SYNE1: variants seen among roughly 807,000 people sequenced by gnomAD.
The protein encoded by SYNE1 is nesprin-1.
SYNE1 carries 616 observed loss-of-function variants against 1,111.0 expected under a neutral mutation model. The observed-to-expected ratio is 0.55, with a 90% CI of 0.52 to 0.59. SYNE1 has a LOEUF of 0.59. Ranked by LOEUF, SYNE1 falls within the 20% of genes least tolerant of loss-of-function variation. SYNE1 has a pLI of 0.00. For synonymous variants in SYNE1, 3,855 were observed against 3,825.8 expected (o/e 1.01, Z -0.28); for missense variants, 10,006 against 10,417.0 (o/e 0.96, Z 1.72).
rs533228350 is a variant in SYNE1, at chr6:152,584,394, C to T, written c.67+43871G>A. Among the ~76,000 whole-genome samples the T allele has an allele frequency of 3.3e-5, 5 of 152,086 alleles. No individual in the cohort carries two copies. The East Asian group carries it at 7.7e-4, about 23-fold the overall frequency. Reference sequence around the variant, plus strand: ...ACCCAAAATACATATTTAATGTATTCCCCTTGGTGCAAAATAACATCTGCT... The same window carrying T: ...ACCCAAAATACATATTTAATGTATTTCCCTTGGTGCAAAATAACATCTGCT... On this transcript the variant is annotated intron_variant, in intron 3 of 145. Coordinates refer to ENST00000367255, the MANE Select transcript of SYNE1 (RefSeq NM_182961.4).
chr6:152,424,150 A>G (rs1563916787), intron 39 of SYNE1, among the ~76,000 whole-genome samples: 2 of 152,346 alleles, frequency 1.3e-5, no homozygotes, highest in East Asian at 3.9e-4. Context: ...TCAGGGACCA[A>G]TCAATGAATT....
intron 27 of SYNE1, among the ~76,000 whole-genome samples, chr6:152,449,867 TA>T (rs1417247802): frequency 6.6e-6 from 1 of 152,094 alleles, no homozygotes; most frequent in African/African-American, 2.4e-5. Flanking sequence ...GGAGCTCAGC[TA>T]AGGAAAAAGA....
chr6:152,385,739 G>A lies in SYNE1; in HGVS notation c.8587C>T (p.Leu2863Phe). The A allele has an allele frequency of 2.5e-6, 4 of 1,614,092 alleles. No homozygotes were observed. Among genetic ancestry groups the A allele is most frequent in the Middle Eastern group, 1.6e-4 (1 of 6,062 alleles). Residue 2863 changes from leucine (L) to phenylalanine (F), a missense_variant, in exon 55 of 146, where the codon CTT becomes TTT. By Grantham distance (22) the Leu-to-Phe change is conservative. Around this residue, in one of 7 missense-constraint regions of SYNE1, gnomAD observed 4,955 missense variants for 5,017.2 expected, o/e 0.99. Coordinates refer to ENST00000367255, the MANE Select transcript of SYNE1 (RefSeq NM_182961.4). The part of the protein sequence containing the change: ...TDWLHSAKEE[L>F]HRWSDMSGDS... ...CCAGACATATCTGACCACCGGTGAA[G>A]TTCTTCCTTTGCTGAATGGAGCCAA...
chr6:152,551,799 C>A (rs982840486), intron 3 of SYNE1, among the ~76,000 whole-genome samples: 1 of 152,128 alleles, frequency 6.6e-6, no homozygotes, highest in Non-Finnish European at 1.5e-5. Context: ...AACATGAAGA[C>A]AACTGATCTC....
At chr6:152,392,570 T>C (rs1244872275) in intron 51 of SYNE1, among the ~76,000 whole-genome samples, 3 of 152,210 alleles carry the variant, frequency 2.0e-5, no homozygotes, top group Non-Finnish European at 2.9e-5. Flanking sequence ...TCAAATTTTT[T>C]TGGAGTGGCT....
chr6:152,490,650 T>G (rs1056862812), intron 11 of SYNE1, among the ~76,000 whole-genome samples: 1 of 152,192 alleles, frequency 6.6e-6, no homozygotes, highest in Non-Finnish European at 1.5e-5. Context: ...TATCTACCTT[T>G]TTCGGACTCA....
At chr6:152,429,086 G>GTAATAATAA (rs3046242) in intron 36 of SYNE1, among the ~76,000 whole-genome samples, 7,543 of 144,600 alleles carry the variant, frequency 0.052, 389 homozygotes, top group African/African-American at 0.13. Context: ...TATCTCAATA[G>GTAATAATAA]TAATAATAAT....
rs373438870 is a variant in SYNE1 at position 152,331,887 on chromosome 6, A to T, written c.12798T>A (p.Ser4266=). The T allele has an allele frequency of 5.5e-5, 89 of 1,611,268 alleles. No homozygotes were observed. The highest frequency in any genetic ancestry group is 7.2e-5 in the Non-Finnish European group (85 of 1,180,002). The change falls in exon 78 of 146, where the codon TCT becomes TCA. Residue 4266 remains serine (S), a synonymous_variant. Transcript: ENST00000367255. ...FTTEWDNLAR[S]DAESTAVHLE... ...GGTGGACAGCTGTACTCTCTGCATC[A>T]GATCTGAAAATACATGGAAAGGTAT...
At chr6:152,144,545 G>A (rs1282275270) in intron 137 of SYNE1, 1 of 152,548 alleles carries the variant, frequency 6.6e-6, no homozygotes, top group Non-Finnish European at 1.5e-5. Context: ...TTGATCATCA[G>A]TGAAGCTAGC....
Position 152,213,620 on chromosome 6 carries a change from C to G in SYNE1, c.22486G>C (p.Ala7496Pro). Reference sequence around the variant, plus strand: ...CTACTGATACAACTTACCTCGTGTGCTCTCTGCTGTTCCAAAAGGTGCTGA... The same window carrying G: ...CTACTGATACAACTTACCTCGTGTGGTCTCTGCTGTTCCAAAAGGTGCTGA... The part of the protein sequence containing the change: ...NYQHLLEQQR[A>P]HELFQAEMFS... Residue 7496 changes from alanine to proline, a missense_variant, in exon 123 of 146, where the codon GCA (alanine) becomes CCA (proline). Ala to Pro is a conservative substitution (Grantham distance 27). Coordinates refer to ENST00000367255, the MANE Select transcript of SYNE1 (RefSeq NM_182961.4). 6.2e-7 allele frequency: 1 copy of G among 1,614,040 alleles called. No individual in the cohort carries two copies. Among genetic ancestry groups the G allele is most frequent in the Non-Finnish European group, 8.5e-7 (1 of 1,179,954 alleles).
chr6:152,164,387 G>T, intron 130 of SYNE1, 62 bp from the exon 131 acceptor site: 2 of 1,587,490 alleles, frequency 1.3e-6, no homozygotes, highest in Non-Finnish European at 1.7e-6. Context: ...TTTCTCTAGC[G>T]TGCAGAGGAG....
intron 145 of SYNE1, chr6:152,128,426 C>T (rs1470219446): frequency 6.6e-6 from 1 of 152,090 alleles, no homozygotes; most frequent in Non-Finnish European, 1.5e-5. Context: ...AGGCCCAGGG[C>T]CTAAATTTAG....
intron 105 of SYNE1, among the ~76,000 whole-genome samples, chr6:152,246,656 A>T (rs1423436016): frequency 6.6e-6 from 1 of 152,184 alleles, no homozygotes; most frequent in African/African-American, 2.4e-5. Flanking sequence ...TGTATTAAAT[A>T]AATCATTAGA....
At chr6:152,516,650 C>A (rs1373607553) in intron 6 of SYNE1, among the ~76,000 whole-genome samples, 1 of 152,090 alleles carries the variant, frequency 6.6e-6, no homozygotes, top group East Asian at 1.9e-4. Context: ...GTGATCACAG[C>A]TCACCGTAGC....
chr6:152,493,633 A>G (rs531017558), intron 11 of SYNE1, among the ~76,000 whole-genome samples: 52 of 152,116 alleles, frequency 3.4e-4, no homozygotes, highest in Non-Finnish European at 5.3e-4. Flanking sequence ...CTCCTCCAAC[A>G]TCTATTCTCA....
chr6:152,200,801 C>A (rs1469079185), intron 127 of SYNE1, among the ~76,000 whole-genome samples: 6 of 152,222 alleles, frequency 3.9e-5, no homozygotes, highest in Non-Finnish European at 8.8e-5. Flanking sequence ...ACTTCTTTCA[C>A]TTTCCATCCA....
At chr6:152,578,689 T>C (rs1317437291) in intron 3 of SYNE1, among the ~76,000 whole-genome samples, 4 of 152,228 alleles carry the variant, frequency 2.6e-5, no homozygotes, top group African/African-American at 9.6e-5. Flanking sequence ...TTTGAAATTT[T>C]TAAGGCTTAT....
chr6:152,225,743 G>C lies in SYNE1; in HGVS notation c.21329C>G (p.Thr7110Ser). ...VMSTLRELGQTWANLDHMVGQ... is the reference protein window; with the variant it reads ...VMSTLRELGQSWANLDHMVGQ... ...TACCATGTGATCTAAATTTGCCCAG[G>C]TTTGGCCGAGCTCTCGCAGTGTGCT... is the stretch of plus-strand genomic sequence containing the variant. Residue 7110 changes from threonine (T) to serine (S), a missense_variant, in exon 116 of 146, where the codon ACC (threonine) becomes AGC (serine). Physicochemically the swap from Thr to Ser is moderately conservative, Grantham distance 58. Around this residue, in one of 7 missense-constraint regions of SYNE1, gnomAD observed 2,182 missense variants for 2,287.8 expected, o/e 0.95. Coordinates refer to ENST00000367255, the MANE Select transcript of SYNE1 (RefSeq NM_182961.4). 6.2e-7 allele frequency: 1 copy of C among 1,614,096 alleles called. No homozygotes were observed. Among genetic ancestry groups the C allele is most frequent in the Non-Finnish European group, 8.5e-7 (1 of 1,179,990 alleles).
At chr6:152,267,622 G>C (rs1253189277) in intron 100 of SYNE1, among the ~76,000 whole-genome samples, 2 of 152,118 alleles carry the variant, frequency 1.3e-5, no homozygotes, top group Non-Finnish European at 2.9e-5. Flanking sequence ...GACTTTGAAA[G>C]TCTTCACTCC....
Sources: gnomAD v4.1 joint callset for allele counts (sites outside exome capture counted in the v4.1 genomes callset) on GRCh38, gnomAD v4.1.1 for gene constraint, gnomAD v4.1.1 regional missense constraint, MANE v1.5 for transcripts, NCBI Gene and HGNC (gene_info 2026-07-23, HGNC 2026-07-21) for gene names.